TPRG1: variants seen among roughly 807,000 people sequenced by gnomAD.
TPRG1 encodes tumor protein p63-regulated gene 1 protein.
In TPRG1, 29 loss-of-function variants were observed where a neutral mutation model predicts 29.3. The observed-to-expected ratio is 0.99, with a 90% confidence interval of 0.74 to 1.35. The LOEUF is 1.35. Ranked by LOEUF, TPRG1 falls within the 40% of genes most tolerant of loss-of-function variation. The pLI, the probability that TPRG1 is intolerant of heterozygous loss-of-function variation, is 0.00. For synonymous variants in TPRG1, 130 were observed against 116.8 expected, an observed-to-expected ratio of 1.11 and a Z score of -0.73; for missense variants, 327 against 335.0, an observed-to-expected ratio of 0.98 and a Z score of 0.19.
intron 4 of TPRG1, among the ~76,000 whole-genome samples, chr3:189,305,663 A>G (rs565970245): frequency 6.6e-6 from 1 of 152,352 alleles, no homozygotes; most frequent in East Asian, 1.9e-4. Context: ...TGAGTGAAAC[A>G]TGTAATTAAC....
At chr3:189,068,620 T>A (rs1337734863) in intron 4 of TPRG1, among the ~76,000 whole-genome samples, 1 of 151,938 alleles carries the variant, frequency 6.6e-6, no homozygotes, top group Non-Finnish European at 1.5e-5. Context: ...ACTAAAAATA[T>A]AAAAAATTAG....
chr3:189,024,917 C>T (rs777912314), intron 4 of TPRG1, among the ~76,000 whole-genome samples: 5 of 152,204 alleles, frequency 3.3e-5, no homozygotes, highest in East Asian at 1.9e-4. Context: ...CCAGGGGCTT[C>T]GTCCCATCTC....
chr3:189,215,268 A>G (rs1407117606), intron 2 of TPRG1, 24 bp from the exon 3 acceptor site: 1 of 1,593,366 alleles, frequency 6.3e-7, no homozygotes, highest in African/African-American at 1.4e-5. Context: ...GCTCTAAACT[A>G]GGTATTTTCT....
At chr3:189,220,639 C>A (rs970923559) in intron 3 of TPRG1, among the ~76,000 whole-genome samples, 11 of 152,108 alleles carry the variant, frequency 7.2e-5, no homozygotes, top group Non-Finnish European at 1.6e-4. Flanking sequence ...TCTATGTGTC[C>A]ATGTGTTCTC....
chr3:189,284,320 T>G (rs1717665098), intron 4 of TPRG1, among the ~76,000 whole-genome samples: 1 of 151,652 alleles, frequency 6.6e-6, no homozygotes, highest in Non-Finnish European at 1.5e-5. Flanking sequence ...CATTTAACAT[T>G]AGGTATATCT....
At chr3:189,059,909 G>A (rs1182526599) in intron 4 of TPRG1, among the ~76,000 whole-genome samples, 1 of 152,062 alleles carries the variant, frequency 6.6e-6, no homozygotes, top group African/African-American at 2.4e-5. Context: ...TGCAGAAAAG[G>A]CTTTCAATAA....
Position 189,089,713 on chromosome 3 carries a change from A to G in TPRG1, c.-462-37344A>G, listed in dbSNP as rs376159598. On this transcript the variant is annotated intron_variant, in intron 4 of 10. Coordinates refer to the TPRG1 transcript ENST00000433971. ...ACCAGTCCCATTATCATGATAATGC[A>G]CTAACCCATTAACCTATTATTTCAT... 2.5e-3 allele frequency among the ~76,000 whole-genome samples: 382 copies of G among 152,280 alleles called. 2 individuals are homozygous for G. The highest frequency in any genetic ancestry group is 8.9e-3 in the African/African-American group (368 of 41,546).
At chr3:189,138,646 G>C (rs1333336364) in intron 3 of TPRG1, among the ~76,000 whole-genome samples, 1 of 152,186 alleles carries the variant, frequency 6.6e-6, no homozygotes, top group East Asian at 1.9e-4. Flanking sequence ...CATCACTCCT[G>C]TCCATATGTA....
At chr3:189,278,648 C>T (rs11916019) in intron 4 of TPRG1, among the ~76,000 whole-genome samples, 7,698 of 152,228 alleles carry the variant, frequency 0.051, 432 homozygotes, top group African/African-American at 0.14. Context: ...TCTAACATAG[C>T]CTCAGTTTCT....
At chr3:189,228,324 G>C (rs887705251) in intron 3 of TPRG1, among the ~76,000 whole-genome samples, 1 of 151,736 alleles carries the variant, frequency 6.6e-6, no homozygotes, top group Non-Finnish European at 1.5e-5. Flanking sequence ...TACAAAAATA[G>C]AACTATAGAT....
chr3:189,158,123 T>C (rs1218739359), intron 5 of TPRG1, among the ~76,000 whole-genome samples: 1 of 152,188 alleles, frequency 6.6e-6, no homozygotes, highest in African/African-American at 2.4e-5. Flanking sequence ...ATCATAGTCA[T>C]TTACCATTGG....
chr3:189,299,669 T>C (rs1720528851), intron 4 of TPRG1, among the ~76,000 whole-genome samples: 1 of 151,542 alleles, frequency 6.6e-6, no homozygotes, highest in Non-Finnish European at 1.5e-5. Flanking sequence ...GGTCTACTCA[T>C]GTCCAACCGA....
intron 4 of TPRG1, among the ~76,000 whole-genome samples, chr3:189,081,993 G>A (rs1578310668): frequency 1.3e-5 from 2 of 152,300 alleles, no homozygotes; most frequent in South Asian, 2.1e-4. Flanking sequence ...GAAGAGTTGG[G>A]GGTTATTTGA....
intron 1 of TPRG1, among the ~76,000 whole-genome samples, chr3:189,176,930 A>G (rs1729562598): frequency 6.6e-6 from 1 of 152,264 alleles, no homozygotes; most frequent in Non-Finnish European, 1.5e-5. Context: ...AGCTATTTGC[A>G]GATTTGAGCA....
Position 189,156,305 on chromosome 3 carries a change from C to T in TPRG1, c.-10+5433C>T, listed in dbSNP as rs116849100. Among the ~76,000 whole-genome samples the T allele has an allele frequency of 1.3e-3, 198 of 152,018 alleles. 2 individuals are homozygous for T. The highest frequency in any genetic ancestry group is 8.9e-3 in the East Asian group (46 of 5,158). On this transcript the variant is annotated intron_variant, in intron 5 of 6. Transcript: ENST00000412373. Reference sequence around the variant, plus strand: ...CAAAGAAAAGGTTTTTCTCTTAGATCCTCCAGAAGGAACACAGCCCTACAG... The same window carrying T: ...CAAAGAAAAGGTTTTTCTCTTAGATTCTCCAGAAGGAACACAGCCCTACAG...
intron 3 of TPRG1, among the ~76,000 whole-genome samples, chr3:189,225,030 C>A (rs1737514862): frequency 1.3e-5 from 2 of 150,364 alleles, no homozygotes; most frequent in Non-Finnish European, 2.9e-5. Context: ...CTCCTGGGTT[C>A]ACGCCATTCT....
chr3:189,229,694 G>T (rs1216537779), intron 3 of TPRG1, among the ~76,000 whole-genome samples: 1 of 152,244 alleles, frequency 6.6e-6, no homozygotes, highest in African/African-American at 2.4e-5. Context: ...GCACGACAGA[G>T]ACCACTCTTG....
chr3:189,238,979 A>G, intron 4 of TPRG1, 70 bp downstream of exon 4: 1 of 1,425,640 alleles, frequency 7.0e-7, no homozygotes, highest in Non-Finnish European at 9.4e-7. Context: ...CAAGCCGAAA[A>G]TTCAGTTTGG....
chr3:189,226,221 T>C (rs1410536991), intron 3 of TPRG1, among the ~76,000 whole-genome samples: 2 of 152,214 alleles, frequency 1.3e-5, no homozygotes, highest in Admixed American at 6.5e-5. Flanking sequence ...GCATCTACAT[T>C]ACATACGGAT....
Sources: allele counts gnomAD v4.1 joint callset (sites outside exome capture counted in the v4.1 genomes callset), GRCh38; gene constraint gnomAD v4.1.1; transcripts MANE v1.5; gene names NCBI Gene and HGNC (gene_info 2026-07-23, HGNC 2026-07-21).